DNAH7: variants seen among roughly 807,000 people sequenced by gnomAD.
The protein encoded by DNAH7 is dynein axonemal heavy chain 7.
A neutral mutation model predicts 444.6 loss-of-function variants in DNAH7; 397 were observed. The observed-to-expected ratio is 0.89, with a 90% CI of 0.82 to 0.97. The LOEUF (loss-of-function observed/expected upper bound fraction) is 0.97, where lower values mean the gene tolerates loss of function less well. DNAH7 is among the 50% of genes least tolerant of loss of function. The probability of loss-of-function intolerance (pLI) is 0.00; values close to 1 mark genes in which losing one functional copy is unlikely to be tolerated. For missense variants in DNAH7, 4,902 were observed against 4,800.8 expected (o/e 1.02, Z -0.62); for synonymous variants, 1,636 against 1,624.4 (o/e 1.01, Z -0.17).
At chr2:195,970,908 C>T (rs1183623637) in intron 16 of DNAH7, among the ~76,000 whole-genome samples, 1 of 152,110 alleles carries the variant, frequency 6.6e-6, no homozygotes, top group African/African-American at 2.4e-5. Flanking sequence ...AGGAAAAGTT[C>T]ATCAACAGTG....
At chr2:195,898,747 TAA>T (rs1559200935) in intron 28 of DNAH7, among the ~76,000 whole-genome samples, 1 of 152,228 alleles carries the variant, frequency 6.6e-6, no homozygotes, top group Non-Finnish European at 1.5e-5. Flanking sequence ...GGTCATGCAC[TAA>T]GTTAGTTTAA....
chr2:195,821,478 T>C (rs913762795), intron 49 of DNAH7, among the ~76,000 whole-genome samples: 7 of 152,144 alleles, frequency 4.6e-5, no homozygotes, highest in African/African-American at 1.2e-4. Flanking sequence ...AAACATCTAA[T>C]AGGGACTTAA....
rs1700754706 is a variant in DNAH7, at chr2:195,872,264, G to C, written c.6619C>G (p.Leu2207Val). ...GGAAAATTTACCTCATGAACCCAAA[G>C]ACGTTTAATCACTTCTGTGGTTTCT... ...TTETTEVIKRLWVHEVLRVYY... is the reference protein window; with the variant it reads ...TTETTEVIKRVWVHEVLRVYY... The change falls in exon 40 of 65, where the codon CTT (leucine) becomes GTT (valine). Residue 2207 changes from leucine to valine, a missense_variant. Coordinates refer to ENST00000312428, the MANE Select transcript of DNAH7 (RefSeq NM_018897.3). 6.2e-7 allele frequency: 1 copy of C among 1,612,196 alleles called. No individual in the cohort carries two copies. The highest frequency in any genetic ancestry group is 8.5e-7 in the Non-Finnish European group (1 of 1,178,972).
chr2:196,057,401 G>T (rs1697874301), intron 2 of DNAH7, among the ~76,000 whole-genome samples: 1 of 152,036 alleles, frequency 6.6e-6, no homozygotes, highest in Admixed American at 6.5e-5. Flanking sequence ...TTTAGAATTT[G>T]TCAAATTTTT....
chr2:195,978,163 A>G (rs1247913391), intron 15 of DNAH7, among the ~76,000 whole-genome samples: 1 of 150,574 alleles, frequency 6.6e-6, no homozygotes, highest in East Asian at 1.9e-4. Context: ...AGGCAGAAAG[A>G]TGAACTGGTA....
intron 8 of DNAH7, among the ~76,000 whole-genome samples, chr2:196,021,531 A>C (rs1695380557): frequency 6.6e-6 from 1 of 152,146 alleles, no homozygotes; most frequent in African/African-American, 2.4e-5. Context: ...TTTAAAATAA[A>C]ATATAGGGCC....
At chr2:195,740,921 T>G in intron 63 of DNAH7, 52 bp from the exon 64 acceptor site, 1 of 1,139,378 alleles carries the variant, frequency 8.8e-7, no homozygotes, top group East Asian at 2.9e-5. Context: ...GCATTTTGAT[T>G]GAGTTCTGAA....
intron 28 of DNAH7, among the ~76,000 whole-genome samples, chr2:195,899,817 T>A (rs1311364683): frequency 6.6e-6 from 1 of 152,190 alleles, no homozygotes; most frequent in Non-Finnish European, 1.5e-5. Context: ...ATTTGGGCTT[T>A]CATATATTAC....
intron 14 of DNAH7, among the ~76,000 whole-genome samples, chr2:195,985,068 T>C (rs1391114245): frequency 1.3e-5 from 2 of 152,136 alleles, no homozygotes; most frequent in Non-Finnish European, 2.9e-5. Context: ...AAGAAAGTAG[T>C]ACAAAGGAAA....
intron 9 of DNAH7, among the ~76,000 whole-genome samples, chr2:196,014,259 A>C (rs1200865234): frequency 1.3e-5 from 2 of 152,154 alleles, no homozygotes; most frequent in Non-Finnish European, 1.5e-5. Context: ...AGGAAAAAAG[A>C]TATTACTCAC....
intron 27 of DNAH7, 80 bp downstream of exon 27, chr2:195,906,579 C>T: frequency 7.1e-7 from 1 of 1,405,936 alleles, no homozygotes; most frequent in Non-Finnish European, 9.7e-7. Context: ...TAGGCGTTAG[C>T]CACCACGCCC....
intron 5 of DNAH7, among the ~76,000 whole-genome samples, chr2:196,030,132 A>G (rs1186204826): frequency 1.3e-5 from 2 of 152,226 alleles, no homozygotes; most frequent in African/African-American, 4.8e-5. Context: ...TAATGGACTT[A>G]CAGTTCCATG....
At chr2:195,954,133 C>T (rs190365501) in intron 19 of DNAH7, among the ~76,000 whole-genome samples, 5,194 of 152,104 alleles carry the variant, frequency 0.034, 288 homozygotes, top group African/African-American at 0.12. Context: ...CCCATTAACT[C>T]GTCATTTAAC....
intron 54 of DNAH7, among the ~76,000 whole-genome samples, chr2:195,801,740 T>A (rs1021880175): frequency 6.6e-6 from 1 of 152,220 alleles, no homozygotes; most frequent in Non-Finnish European, 1.5e-5. Flanking sequence ...TATGAAACAT[T>A]TATTTATACA....
chr2:195,979,883 G>T (rs1193251054), intron 15 of DNAH7, among the ~76,000 whole-genome samples: 1 of 151,782 alleles, frequency 6.6e-6, no homozygotes, highest in African/African-American at 2.4e-5. Flanking sequence ...CAAATTCCTA[G>T]ACACATACAA....
intron 57 of DNAH7, among the ~76,000 whole-genome samples, chr2:195,789,362 G>A (rs561642844): frequency 2.0e-4 from 30 of 152,194 alleles, no homozygotes; most frequent in East Asian, 3.9e-4. Context: ...AACAAATGGC[G>A]GAGAAGGGAG....
intron 55 of DNAH7, among the ~76,000 whole-genome samples, chr2:195,797,324 C>G (rs960738501): frequency 6.6e-6 from 1 of 152,124 alleles, no homozygotes; most frequent in Non-Finnish European, 1.5e-5. Context: ...ACTAGACTGC[C>G]CCTTTAGAAG....
chr2:195,740,420 G>A (rs1325189436), intron 64 of DNAH7, among the ~76,000 whole-genome samples: 2 of 151,930 alleles, frequency 1.3e-5, no homozygotes, highest in African/African-American at 2.4e-5. Context: ...TCTTTAAACA[G>A]ACACAAAATA....
chr2:195,957,438 C>G lies in DNAH7; in HGVS notation c.2901G>C (p.Glu967Asp). ...TCTCCTGAAGCAGTAGGAGCTTGCC[C>G]TCCCATTCTCTGAGGAGCAAAACAC... ...KPYEKQMREW[E>D]GKLLLLQEIL... Residue 967 changes from glutamate to aspartate, a missense_variant, in exon 19 of 65, where the codon GAG (glutamate) becomes GAC (aspartate). Physicochemically the swap from Glu to Asp is conservative, Grantham distance 45. Transcript: ENST00000312428. 6.5e-7 allele frequency: 1 copy of G among 1,546,340 alleles called. No homozygotes were observed. Among genetic ancestry groups the G allele is most frequent in the Non-Finnish European group, 8.8e-7 (1 of 1,135,460 alleles).
Sources: allele counts gnomAD v4.1 joint callset (sites outside exome capture counted in the v4.1 genomes callset), GRCh38; gene constraint gnomAD v4.1.1; transcripts MANE v1.5; gene names NCBI Gene and HGNC (gene_info 2026-07-23, HGNC 2026-07-21).